The following GXYLT2 variants were observed in gnomAD, a reference collection of about 807,000 sequenced individuals.
The protein encoded by GXYLT2 is glucoside xylosyltransferase 2, also known as glycosyltransferase 8 domain containing 4.
A neutral mutation model predicts 45.8 loss-of-function variants in GXYLT2; 53 were observed. That is an observed-to-expected ratio of 1.16 (90% CI 0.93 to 1.46). The LOEUF is 1.46. Ranked by LOEUF, GXYLT2 falls within the 40% of genes most tolerant of loss-of-function variation. The pLI is 0.00. For missense variants in GXYLT2, 551 were observed against 544.4 expected (o/e 1.01, Z -0.12); for synonymous variants, 219 against 214.2 (o/e 1.02, Z -0.19).
chr3:72,927,118 T>G (rs905173346), intron 3 of GXYLT2: 2 of 151,996 alleles, frequency 1.3e-5, no homozygotes, highest in African/African-American at 4.8e-5. Flanking sequence ...TTAAAATTTT[T>G]GTAGAGACAA....
At chr3:72,969,080 A>G (rs9823939) in intron 6 of GXYLT2, among the ~76,000 whole-genome samples, 24,827 of 151,270 alleles carry the variant, frequency 0.16, 3,099 homozygotes, top group East Asian at 0.38. Flanking sequence ...CAAAAAAAAA[A>G]GAAGGTTCTT....
intron 3 of GXYLT2, among the ~76,000 whole-genome samples, chr3:72,949,240 A>G (rs1368086596): frequency 6.6e-6 from 1 of 152,068 alleles, no homozygotes; most frequent in Non-Finnish European, 1.5e-5. Context: ...CCAGCCCTGG[A>G]GCAACTGGCA....
At chr3:72,961,518 G>T (rs1253572530) in intron 5 of GXYLT2, among the ~76,000 whole-genome samples, 3 of 152,096 alleles carry the variant, frequency 2.0e-5, no homozygotes, top group African/African-American at 7.2e-5. Flanking sequence ...CTCCGTGCCA[G>T]TCTGATTCTA....
At chr3:72,962,047 G>C (rs183945905) in intron 5 of GXYLT2, among the ~76,000 whole-genome samples, 6 of 152,260 alleles carry the variant, frequency 3.9e-5, no homozygotes, top group Non-Finnish European at 5.9e-5. Flanking sequence ...ACTCACATGG[G>C]ACAAGTCTCT....
At chr3:72,918,254 G>T (rs921125684) in intron 2 of GXYLT2, among the ~76,000 whole-genome samples, 5 of 152,142 alleles carry the variant, frequency 3.3e-5, no homozygotes, top group Non-Finnish European at 5.9e-5. Flanking sequence ...GTTGGCTTGT[G>T]TACTCTTTGT....
intron 6 of GXYLT2, among the ~76,000 whole-genome samples, chr3:72,969,907 T>A (rs1710952267): frequency 2.8e-5 from 1 of 35,270 alleles, no homozygotes; most frequent in Non-Finnish European, 6.9e-5. Context: ...AAATGTGCAT[T>A]TGAAAAAAAA....
intron 2 of GXYLT2, among the ~76,000 whole-genome samples, chr3:72,917,627 T>G (rs1394981397): frequency 6.6e-6 from 1 of 151,816 alleles, no homozygotes; most frequent in African/African-American, 2.4e-5. Flanking sequence ...CATGATGGCA[T>G]GCATGTGTGG....
chr3:72,912,750 A>G (rs924572505), intron 2 of GXYLT2, among the ~76,000 whole-genome samples: 4 of 152,188 alleles, frequency 2.6e-5, no homozygotes, highest in African/African-American at 9.6e-5. Context: ...CCAGCCTTCA[A>G]GGCTTCCAGC....
At chr3:72,929,624 T>C (rs1021366034) in intron 3 of GXYLT2, 34 of 925,616 alleles carry the variant, frequency 3.7e-5, no homozygotes, top group Middle Eastern at 6.4e-4. Flanking sequence ...CCCATAGCCA[T>C]GGGGTGACTT....
At chr3:72,905,064 C>CA (rs1177216917) in intron 1 of GXYLT2, among the ~76,000 whole-genome samples, 1,753 of 32,088 alleles carry the variant, frequency 0.055, 12 homozygotes, top group Non-Finnish European at 0.097. Context: ...GATTCTGTCT[C>CA]AAAAAAAAAA....
rs564450493 is a variant in GXYLT2, at chr3:72,952,096, G to A, written c.601-3002G>A. On this transcript the variant is annotated intron_variant, in intron 3 of 6. Transcript: ENST00000389617. ...CGGCTCACTGCAACGCTCACCTCCC[G>A]GGCTCAAGCAATTCTTGTACCTCAG... Among the ~76,000 whole-genome samples, 19 of 151,106 alleles carry A rather than the reference G, an allele frequency of 1.3e-4. 1 individual carries two copies. The highest frequency in any genetic ancestry group is 9.3e-4 in the Admixed American group (14 of 15,124).
chr3:72,961,791 G>C (rs575586440), intron 5 of GXYLT2, among the ~76,000 whole-genome samples: 1 of 152,056 alleles, frequency 6.6e-6, no homozygotes, highest in Non-Finnish European at 1.5e-5. Context: ...TCTCTCAAAC[G>C]TGACCACATA....
intron 3 of GXYLT2, among the ~76,000 whole-genome samples, chr3:72,925,599 T>G (rs1160207967): frequency 6.6e-6 from 1 of 152,202 alleles, no homozygotes; most frequent in Non-Finnish European, 1.5e-5. Flanking sequence ...GAGAAAATGT[T>G]AGGTTTGTTG....
At chr3:72,927,957 G>A (rs746738914) in intron 3 of GXYLT2, among the ~76,000 whole-genome samples, 11 of 152,190 alleles carry the variant, frequency 7.2e-5, no homozygotes, top group Non-Finnish European at 1.5e-4. Context: ...TTATCTAACT[G>A]CAAAGTCCAC....
chr3:72,893,583 A>G (rs1246134950), intron 1 of GXYLT2, among the ~76,000 whole-genome samples: 1 of 152,138 alleles, frequency 6.6e-6, no homozygotes, highest in Non-Finnish European at 1.5e-5. Context: ...CTGTTTCACT[A>G]ACTCCTAAAA....
chr3:72,894,345 G>A (rs1340018722), intron 1 of GXYLT2, among the ~76,000 whole-genome samples: 1 of 152,192 alleles, frequency 6.6e-6, no homozygotes, highest in African/African-American at 2.4e-5. Flanking sequence ...GACTATTGAT[G>A]GAGAGAAAGG....
At chr3:72,921,194 T>A (rs779708665) in intron 2 of GXYLT2, among the ~76,000 whole-genome samples, 387 of 150,718 alleles carry the variant, frequency 2.6e-3, no homozygotes, top group Non-Finnish European at 4.6e-3. Flanking sequence ...AAAAAAAAAT[T>A]TATAGTTTTT....
In GXYLT2 at chr3:72,888,495, G is replaced by T; in HGVS notation, c.262G>T (p.Glu88Ter). 8.0e-7 allele frequency: 1 copy of T among 1,245,810 alleles called. No individual in the cohort carries two copies. Among genetic ancestry groups the T allele is most frequent in the South Asian group, 2.6e-5 (1 of 38,948 alleles). The allele number at this position is 1,245,810 out of a possible 1,614,324, so 77.2% of individuals were successfully genotyped here. ...RAGRRGAARL[E>*]KLARRPGEPR... ...GGGCCGCCGGGGCGCTGCGAGACTG[G>T]AGAAGTTGGCGAGGTGAGTCGTGGC... Residue 88 changes from glutamate (E) to a stop codon, truncating the protein, a stop_gained, in exon 1 of 7, where the codon GAG becomes TAG. Transcript: ENST00000389617. LOFTEE classifies it high-confidence loss of function.
intron 1 of GXYLT2, among the ~76,000 whole-genome samples, chr3:72,903,214 T>G (rs564013401): frequency 6.6e-6 from 1 of 152,178 alleles, no homozygotes; most frequent in South Asian, 2.1e-4. Flanking sequence ...ATACATGGAA[T>G]TAGGAGGCAA....
Sources: allele counts gnomAD v4.1 joint callset (sites outside exome capture counted in the v4.1 genomes callset), GRCh38; gene constraint gnomAD v4.1.1; transcripts MANE v1.5; gene names NCBI Gene and HGNC (gene_info 2026-07-23, HGNC 2026-07-21).